RSPRY1: variants seen among roughly 807,000 people sequenced by gnomAD.
RSPRY1 encodes the protein RING finger and SPRY domain-containing protein 1.
In RSPRY1, 23 loss-of-function variants were observed where a neutral mutation model predicts 73.1. That is an observed-to-expected ratio of 0.31 (90% CI 0.23 to 0.45). The LOEUF is 0.45. RSPRY1 is among the 20% of genes least tolerant of loss of function. The probability of loss-of-function intolerance (pLI) is 1.00; values close to 1 mark genes in which losing one functional copy is unlikely to be tolerated. For synonymous variants in RSPRY1, 226 were observed against 251.4 expected, an observed-to-expected ratio of 0.90 and a Z score of 0.95; for missense variants, 448 against 698.7, an observed-to-expected ratio of 0.64 and a Z score of 4.05.
At chr16:57,191,678 G>A (rs538397356) in intron 1 of RSPRY1, among the ~76,000 whole-genome samples, 1 of 151,962 alleles carries the variant, frequency 6.6e-6, no homozygotes, top group South Asian at 2.1e-4. Context: ...TTTTCATTGT[G>A]TGGGCAGGAA....
At chr16:57,236,409 AT>A (rs1329037465) in intron 14 of RSPRY1, among the ~76,000 whole-genome samples, 1 of 152,248 alleles carries the variant, frequency 6.6e-6, no homozygotes, top group Non-Finnish European at 1.5e-5. Context: ...CATTAAAAGA[AT>A]TATAAGAAAA....
Position 57,238,995 on chromosome 16 carries a change from T to A in RSPRY1, c.*20T>A. The stretch of plus-strand genomic sequence containing the variant: ...TCATGACACATGTGAAGAGGCATCG[T>A]GGACTTTTTTCTACTCAATTCCAGC... On this transcript the variant is annotated 3_prime_UTR_variant, in exon 15 of 15. Transcript: ENST00000394420. 1 of 1,390,168 alleles carries A rather than the reference T, an allele frequency of 7.2e-7. No individual in the cohort carries two copies. The highest frequency in any genetic ancestry group is 1.2e-5 in the South Asian group (1 of 80,406). The allele number at this position is 1,390,168 out of a possible 1,614,324, so 86.1% of individuals were successfully genotyped here. A position where few individuals can be genotyped will look rare whatever the true frequency, so the allele number is the denominator to read the frequency against.
At chr16:57,212,912 G>C in intron 4 of RSPRY1, 60 bp from the exon 5 acceptor site, 1 of 1,539,120 alleles carries the variant, frequency 6.5e-7, no homozygotes, top group East Asian at 2.3e-5. Context: ...AAAAAAATGA[G>C]CCTGGGAAAA....
rs765671537 is a variant in RSPRY1 at position 57,221,276 on chromosome 16, G to T, written c.1022G>T (p.Arg341Leu). 6.2e-7 allele frequency: 1 copy of T among 1,613,710 alleles called. No individual in the cohort carries two copies. Among genetic ancestry groups the T allele is most frequent in the Admixed American group, 1.7e-5 (1 of 59,946 alleles). The change falls in exon 10 of 15, where the codon CGC becomes CTC. Residue 341 changes from arginine to leucine, a missense_variant. Transcript: ENST00000394420. ...CACATTTTTTGGTTTTGCCAGGCTCGCTGTGATGCCTCCTCTTTTGAAAGT... is the reference window on the plus strand; with the variant it reads ...CACATTTTTTGGTTTTGCCAGGCTCTCTGTGATGCCTCCTCTTTTGAAAGT... ...LKISPHGLEA[R>L]CDASSFESVR...
At chr16:57,220,581 A>G in intron 8 of RSPRY1, 151 bp from the exon 9 acceptor site, 1 of 471,562 alleles carries the variant, frequency 2.1e-6, no homozygotes, top group Non-Finnish European at 3.8e-6. Flanking sequence ...ATAAGATCAT[A>G]TTATCCACAA....
intron 11 of RSPRY1, among the ~76,000 whole-genome samples, 193 bp from the exon 12 acceptor site, chr16:57,230,518 T>C (rs2075198905): frequency 6.6e-6 from 1 of 152,230 alleles, no homozygotes; most frequent in African/African-American, 2.4e-5. Flanking sequence ...TGGCAGTATT[T>C]TTTTCTTATT....
chr16:57,205,030 A>G (rs549290825), intron 2 of RSPRY1, 22 bp downstream of exon 2: 2 of 1,567,270 alleles, frequency 1.3e-6, no homozygotes, highest in East Asian at 4.5e-5. Context: ...ACTCACGGTC[A>G]CCTCCAGTGG....
intron 11 of RSPRY1, among the ~76,000 whole-genome samples, chr16:57,227,943 C>T (rs897384650): frequency 6.6e-6 from 1 of 152,166 alleles, no homozygotes; most frequent in African/African-American, 2.4e-5. Flanking sequence ...TAACCCAACT[C>T]TTTCTCCAAG....
At chr16:57,229,464 T>C (rs1274129180) in intron 11 of RSPRY1, among the ~76,000 whole-genome samples, 1 of 151,696 alleles carries the variant, frequency 6.6e-6, no homozygotes, top group Non-Finnish European at 1.5e-5. Flanking sequence ...AAAAAAATTT[T>C]AAAAATTTGC....
chr16:57,209,933 C>T (rs918314596), intron 4 of RSPRY1, among the ~76,000 whole-genome samples: 1 of 152,186 alleles, frequency 6.6e-6, no homozygotes, highest in Admixed American at 6.5e-5. Context: ...ACCTCAGCCT[C>T]CCGAAGTGCT....
rs535718013 is a variant in RSPRY1, at chr16:57,218,937, C to T, written c.902-1795C>T. The stretch of plus-strand genomic sequence containing the variant: ...ATTTTTAGTAGAGACGGGGTTTCAC[C>T]GTTTTAGCCGGGATGGTCTCGATCT... On this transcript the variant is annotated intron_variant, in intron 8 of 14. Transcript: ENST00000394420. 3.1e-3 allele frequency among the ~76,000 whole-genome samples: 443 copies of T among 144,192 alleles called. 31 individuals are homozygous for T. The highest frequency in any genetic ancestry group is 0.011 in the African/African-American group (427 of 38,136). 94.6% of individuals were successfully genotyped at this position (144,192 alleles called of 152,430 possible).
intron 1 of RSPRY1, among the ~76,000 whole-genome samples, chr16:57,196,035 A>ATG (rs1491147690): frequency 5.6e-4 from 28 of 49,996 alleles, no homozygotes; most frequent in Non-Finnish European, 1.1e-3. Flanking sequence ...AAAAAAAAAA[A>ATG]TATATATATA....
At chr16:57,225,164 G>T (rs1435137095) in intron 10 of RSPRY1, among the ~76,000 whole-genome samples, 1 of 152,354 alleles carries the variant, frequency 6.6e-6, no homozygotes, top group East Asian at 1.9e-4. Flanking sequence ...AGGTTCAGGC[G>T]ATTCTTGTGC....
Position 57,216,984 on chromosome 16 carries a change from T to G in RSPRY1, c.850T>G (p.Tyr284Asp). The G allele has an allele frequency of 1.9e-6, 3 of 1,614,128 alleles. No homozygotes were observed. The highest frequency in any genetic ancestry group is 2.5e-6 in the Non-Finnish European group (3 of 1,179,972). Residue 284 changes from tyrosine to aspartate, a missense_variant, in exon 8 of 15, where the codon TAT becomes GAT. By Grantham distance (160) the Tyr-to-Asp change is radical. Transcript: ENST00000394420. ...GGAGTCCTGGGCTAATGATCCTGAT[T>G]ATCTGAAACGTCAAGTTGGTTTCTG... is the stretch of plus-strand genomic sequence containing the variant. ...TLESWANDPD[Y>D]LKRQVGFCAQ... is the part of the protein sequence containing the mutation.
At chr16:57,194,550 A>G (rs2146173739) in intron 1 of RSPRY1, among the ~76,000 whole-genome samples, 1 of 152,284 alleles carries the variant, frequency 6.6e-6, no homozygotes, top group Middle Eastern at 3.4e-3. Context: ...TATTCATGCT[A>G]TTTGACTTAG....
chr16:57,216,069 ATTT>A (rs11391063), intron 6 of RSPRY1, 35 bp from the exon 7 acceptor site: 399 of 1,198,540 alleles, frequency 3.3e-4, no homozygotes, highest in Admixed American at 4.2e-4. Flanking sequence ...CAGGGGAATG[ATTT>A]TTTTTTTTTT....
At chr16:57,186,170 G>A (rs2074162686), upstream of RSPRY1, 2 of 985,690 alleles carry the variant, frequency 2.0e-6, no homozygotes, top group African/African-American at 3.5e-5. Flanking sequence ...CTCAGGATGA[G>A]GACTGGCCAG....
intron 1 of RSPRY1, among the ~76,000 whole-genome samples, chr16:57,200,473 TA>T (rs1408590378): frequency 1.3e-5 from 2 of 150,134 alleles, no homozygotes; most frequent in Admixed American, 1.3e-4. Context: ...CACTTCCCAG[TA>T]GGGGCGGCAG....
intron 1 of RSPRY1, among the ~76,000 whole-genome samples, chr16:57,191,575 TA>T (rs1343813868): frequency 6.6e-6 from 1 of 152,198 alleles, no homozygotes; most frequent in Non-Finnish European, 1.5e-5. Flanking sequence ...TGTCTCAAAA[TA>T]ATGTCAGTTT....
Sources: allele counts gnomAD v4.1 joint callset (sites outside exome capture counted in the v4.1 genomes callset), GRCh38; gene constraint gnomAD v4.1.1; transcripts MANE v1.5; gene names NCBI Gene and HGNC (gene_info 2026-07-23, HGNC 2026-07-21).